The following SNX30 variants were observed in gnomAD, a reference collection of about 807,000 sequenced individuals.
SNX30 encodes the protein sorting nexin-30.
Under a neutral mutation model 46.4 loss-of-function variants are expected in SNX30, and 24 were observed. The ratio of observed to expected loss-of-function variants is 0.52; its 90% CI spans 0.37 to 0.73. The LOEUF (loss-of-function observed/expected upper bound fraction) is 0.73, where lower values mean the gene tolerates loss of function less well. Ranked by LOEUF, SNX30 falls within the 30% of genes least tolerant of loss-of-function variation. The pLI is 0.00. For synonymous variants in SNX30, 189 were observed against 211.5 expected (o/e 0.89, Z 0.92); for missense variants, 533 against 555.7 (o/e 0.96, Z 0.41).
chr9:112,849,800 C>G lies in SNX30; in HGVS notation c.1015-1059C>G, dbSNP rs562841672. On this transcript the variant is annotated intron_variant, in intron 6 of 8. Transcript: ENST00000374232. The stretch of plus-strand genomic sequence containing the variant: ...GACTCCTTCCTGCCTTGACTCCTCA[C>G]GCTGCTGGAAGGTCCCCTGTGGGGA... 2.6e-5 allele frequency among the ~76,000 whole-genome samples: 4 copies of G among 152,174 alleles called. No individual in the cohort carries two copies. The East Asian group carries it at 7.7e-4, about 29-fold the overall frequency.
At chr9:112,757,957 CCTT>C (rs1450746892) in intron 1 of SNX30, among the ~76,000 whole-genome samples, 1 of 152,186 alleles carries the variant, frequency 6.6e-6, no homozygotes, top group Admixed American at 6.5e-5. Flanking sequence ...CCTGGACACT[CCTT>C]CTTTTCCACA....
rs1242453866 is a variant in SNX30, at chr9:112,849,801, G to A, written c.1015-1058G>A. Among the ~76,000 whole-genome samples the A allele has an allele frequency of 3.9e-5, 6 of 152,270 alleles. No homozygotes were observed. In the East Asian group the frequency reaches 1.2e-3, roughly 29 times the overall value. On this transcript the variant is annotated intron_variant, in intron 6 of 8. Coordinates refer to ENST00000374232, the MANE Select transcript of SNX30 (RefSeq NM_001012994.2). ...ACTCCTTCCTGCCTTGACTCCTCAC[G>A]CTGCTGGAAGGTCCCCTGTGGGGAA...
In SNX30 at chr9:112,777,659, C is replaced by CTGGT. The variant is rs760308669; in HGVS notation, c.156+26503_156+26506dup. 4.1e-5 allele frequency among the ~76,000 whole-genome samples: 5 copies of CTGGT among 121,512 alleles called. No individual in the cohort carries two copies. In the East Asian group the frequency reaches 9.9e-4, roughly 24 times the overall value. 79.7% of individuals were successfully genotyped at this position (121,512 alleles called of 152,430 possible). A position where few individuals can be genotyped will look rare whatever the true frequency, so the allele number is the denominator to read the frequency against. On this transcript the variant is annotated intron_variant, in intron 1 of 8. Transcript: ENST00000374232. Reference sequence around the variant, plus strand: ...GATGGGTCTCACTATGTTGCCCAGACTGGTCTTAATACTCCTAGCCTCAAG... The same window carrying CTGGT: ...GATGGGTCTCACTATGTTGCCCAGACTGGTTGGTCTTAATACTCCTAGCCTCAAG...
chr9:112,763,360 CTTTTTT>C (rs751720343), intron 1 of SNX30, among the ~76,000 whole-genome samples: 37 of 47,564 alleles, frequency 7.8e-4, no homozygotes, highest in East Asian at 1.5e-3. Context: ...GCTATTTAAA[CTTTTTT>C]TTTTTTTTTT....
chr9:112,880,609 G>A (rs1301653161), intron 5 of SNX30: 2 of 153,028 alleles, frequency 1.3e-5, no homozygotes, highest in Non-Finnish European at 2.9e-5. Flanking sequence ...GTGGGTTTAA[G>A]GTTTCCCTCC....
At chr9:112,879,910 C>A (rs142763910), downstream of SNX30, 14,539 of 1,295,086 alleles carry the variant, frequency 0.011, 132 homozygotes, top group Middle Eastern at 0.016. Context: ...TAATTACAAG[C>A]CAGGCTTTAG....
At chr9:112,776,515 C>T (rs187808211) in intron 1 of SNX30, among the ~76,000 whole-genome samples, 17 of 152,340 alleles carry the variant, frequency 1.1e-4, no homozygotes, top group African/African-American at 3.1e-4. Context: ...TGCAGATGTG[C>T]GGATCTTCTG....
intron 4 of SNX30, among the ~76,000 whole-genome samples, chr9:112,831,641 G>A (rs1468356526): frequency 6.6e-6 from 1 of 152,234 alleles, no homozygotes; most frequent in Non-Finnish European, 1.5e-5. Flanking sequence ...CACCGTCCCT[G>A]TGTATCAGAC....
At chr9:112,768,647 C>CTTCTTCTTCTTTTT (rs1554748345) in intron 1 of SNX30, among the ~76,000 whole-genome samples, 5 of 64,366 alleles carry the variant, frequency 7.8e-5, no homozygotes, top group African/African-American at 1.1e-4. Context: ...ATTCTTTCTT[C>CTTCTTCTTCTTTTT]TTTTTTTTTT....
At position 112,797,406 on chromosome 9, in the gene SNX30, A is replaced by G. The variant is rs557094543; in HGVS notation, c.157-7370A>G. 5.9e-5 allele frequency among the ~76,000 whole-genome samples: 9 copies of G among 152,356 alleles called. No individual in the cohort carries two copies. The South Asian group carries it at 1.2e-3, about 21-fold the overall frequency. ...AATGAACCTGCAGGTACCAGCTTCAATGGTGATCAGCTTGGGCATCTTGTA... is the reference window on the plus strand; with the variant it reads ...AATGAACCTGCAGGTACCAGCTTCAGTGGTGATCAGCTTGGGCATCTTGTA... On this transcript the variant is annotated intron_variant, in intron 1 of 8. Coordinates refer to ENST00000374232, the MANE Select transcript of SNX30 (RefSeq NM_001012994.2).
chr9:112,861,728 G>A (rs964285158), intron 7 of SNX30, among the ~76,000 whole-genome samples: 7 of 152,138 alleles, frequency 4.6e-5, no homozygotes, highest in East Asian at 1.9e-4. Flanking sequence ...CAATTCCTGC[G>A]GTGGGTCCTG....
downstream of SNX30, among the ~76,000 whole-genome samples, chr9:112,883,700 C>CT (rs71384287): frequency 0.013 from 1,605 of 121,316 alleles, 24 homozygotes; most frequent in Middle Eastern, 0.016. Context: ...TTTTTCTTTT[C>CT]TTTTTTTTTT....
intron 1 of SNX30, among the ~76,000 whole-genome samples, chr9:112,769,769 A>C (rs1173562609): frequency 6.6e-6 from 1 of 151,946 alleles, no homozygotes; most frequent in Non-Finnish European, 1.5e-5. Context: ...CCAGGCCAGA[A>C]ACCTCTCTCC....
intron 5 of SNX30, among the ~76,000 whole-genome samples, chr9:112,837,887 C>CTTTTTTTTTT (rs10713538): frequency 1.4e-5 from 1 of 71,174 alleles, no homozygotes; most frequent in Non-Finnish European, 2.6e-5. Flanking sequence ...TGGTTCTTTT[C>CTTTTTTTTTT]TTTTTTTTTT....
At chr9:112,754,491 T>C (rs1243293378) in intron 1 of SNX30, among the ~76,000 whole-genome samples, 3 of 150,574 alleles carry the variant, frequency 2.0e-5, no homozygotes, top group Non-Finnish European at 3.0e-5. Flanking sequence ...CTGCAACCTT[T>C]CCCTCCTGGG....
intron 2 of SNX30, among the ~76,000 whole-genome samples, chr9:112,807,104 G>T (rs186219477): frequency 7.7e-6 from 1 of 129,942 alleles, no homozygotes; most frequent in African/African-American, 3.0e-5. Context: ...TCCCTCTGTC[G>T]CCCAGGATGG....
rs370042502 is a variant in SNX30, at chr9:112,839,619, A to G, written c.1014+922A>G. The stretch of plus-strand genomic sequence containing the variant: ...AACATCTCTTCAGGAGACTCCGACG[A>G]TGGGGGCACTGATTAGTAGAAAGGC... On this transcript the variant is annotated intron_variant, in intron 6 of 8. Coordinates refer to ENST00000374232, the MANE Select transcript of SNX30 (RefSeq NM_001012994.2). 2.5e-4 allele frequency among the ~76,000 whole-genome samples: 38 copies of G among 152,316 alleles called. No homozygotes were observed. In the South Asian group the frequency reaches 7.3e-3, roughly 29 times the overall value.
At chr9:112,829,648 T>A (rs1840631269) in intron 3 of SNX30, among the ~76,000 whole-genome samples, 1 of 152,216 alleles carries the variant, frequency 6.6e-6, no homozygotes, top group African/African-American at 2.4e-5. Context: ...AATTCTAAAT[T>A]TAACTTATTG....
intron 1 of SNX30, among the ~76,000 whole-genome samples, chr9:112,767,098 A>G (rs1014449419): frequency 6.9e-6 from 1 of 144,972 alleles, no homozygotes; most frequent in Non-Finnish European, 1.5e-5. Context: ...TGTTTTCTCC[A>G]TGTCTTTGCC....
Sources: allele counts gnomAD v4.1 joint callset (sites outside exome capture counted in the v4.1 genomes callset), GRCh38; gene constraint gnomAD v4.1.1; transcripts MANE v1.5; gene names NCBI Gene and HGNC (gene_info 2026-07-23, HGNC 2026-07-21).